The following TBC1D20 variants were observed in gnomAD, a reference collection of about 807,000 sequenced individuals.
TBC1D20 encodes TBC1 domain family member 20.
Under a neutral mutation model 41.6 loss-of-function variants are expected in TBC1D20, and 12 were observed. The observed-to-expected ratio is 0.29, with a 90% CI of 0.18 to 0.47. The LOEUF is 0.47. Ranked by LOEUF, TBC1D20 falls within the 20% of genes least tolerant of loss-of-function variation. The probability of loss-of-function intolerance (pLI) is 1.00; values close to 1 mark genes in which losing one functional copy is unlikely to be tolerated. For missense variants in TBC1D20, 421 were observed against 517.4 expected, an observed-to-expected ratio of 0.81 and a Z score of 1.81; for synonymous variants, 205 against 204.8, an observed-to-expected ratio of 1.00 and a Z score of -0.01.
At chr20:442,333 C>T (rs946465928) in intron 3 of TBC1D20, among the ~76,000 whole-genome samples, 4 of 152,214 alleles carry the variant, frequency 2.6e-5, no homozygotes, top group African/African-American at 9.7e-5. Context: ...CACAGACGGC[C>T]TCTGCCTCCC....
intron 3 of TBC1D20, among the ~76,000 whole-genome samples, chr20:443,677 C>G (rs529741405): frequency 1.3e-5 from 2 of 152,132 alleles, no homozygotes; most frequent in South Asian, 2.1e-4. Flanking sequence ...AAAATTAAAC[C>G]CTGTGTGAAT....
chr20:444,475 A>G (rs1019904359), intron 3 of TBC1D20, among the ~76,000 whole-genome samples: 1 of 152,206 alleles, frequency 6.6e-6, no homozygotes. Flanking sequence ...AGTTCCCTTC[A>G]CTGTGAAAAT....
chr20:447,006 G>A (rs1568578236), intron 2 of TBC1D20, among the ~76,000 whole-genome samples: 1 of 141,334 alleles, frequency 7.1e-6, no homozygotes. Context: ...CTGGAGGACA[G>A]TGGTGCAATC....
Position 441,853 on chromosome 20 carries a change from G to A in TBC1D20, c.524+4C>T, listed in dbSNP as rs1600330162. ...CGTCGTCTTGTGTTCCTCTCTACTG[G>A]TACCTGAGGTGGTGGGTAGATAATT... On this transcript the variant is annotated splice_donor_region_variant and intron_variant, in intron 4 of 7. Transcript: ENST00000354200. The A allele has an allele frequency of 2.5e-6, 4 of 1,613,210 alleles. No individual in the cohort carries two copies. The highest frequency in any genetic ancestry group is 1.7e-6 in the Non-Finnish European group (2 of 1,179,370).
intron 1 of TBC1D20, among the ~76,000 whole-genome samples, chr20:456,099 T>C (rs2017535346): frequency 6.6e-6 from 1 of 152,070 alleles, no homozygotes; most frequent in South Asian, 2.1e-4. Flanking sequence ...CTGCACAACA[T>C]GGCAAAACCT....
At chr20:460,798 C>T (rs2017617279) in intron 1 of TBC1D20, among the ~76,000 whole-genome samples, 1 of 152,142 alleles carries the variant, frequency 6.6e-6, no homozygotes, top group Non-Finnish European at 1.5e-5. Context: ...AAACAAAAAA[C>T]CTCATCTTTA....
intron 1 of TBC1D20, among the ~76,000 whole-genome samples, chr20:455,834 A>C (rs2017530556): frequency 1.3e-5 from 2 of 152,222 alleles, no homozygotes; most frequent in Admixed American, 1.3e-4. Flanking sequence ...TGGGAGGCTG[A>C]GGCAGGAGAA....
intron 6 of TBC1D20, 151 bp downstream of exon 6, chr20:440,097 T>C (rs1444687424): frequency 1.0e-6 from 1 of 994,884 alleles, no homozygotes; most frequent in East Asian, 2.7e-5. Context: ...ACACCCCCAT[T>C]AATACTGCAC....
In TBC1D20 at chr20:436,413, C is replaced by T. The variant is rs1052445853; in HGVS notation, c.*2173G>A. The T allele has an allele frequency of 1.3e-5, 2 of 152,566 alleles. No individual in the cohort carries two copies. Among genetic ancestry groups the T allele is most frequent in the Admixed American group, 6.5e-5 (1 of 15,272 alleles). 9.5% of individuals were successfully genotyped at this position (152,566 alleles called of 1,614,324 possible). On this transcript the variant is annotated 3_prime_UTR_variant, in exon 8 of 8. Transcript: ENST00000354200. ...TTTCTTCTCAATGACAGGGAGAATC[C>T]TGGTGTCAGCAAAGTTAGAAAACAG... is the stretch of plus-strand genomic sequence containing the variant.
At chr20:462,124 G>A (rs1408645888) in intron 1 of TBC1D20, among the ~76,000 whole-genome samples, 3 of 152,188 alleles carry the variant, frequency 2.0e-5, no homozygotes, top group Non-Finnish European at 4.4e-5. Flanking sequence ...GCTCCCTCGG[G>A]TCAGCTCGGC....
intron 3 of TBC1D20, among the ~76,000 whole-genome samples, chr20:442,736 TC>T (rs2017261464): frequency 1.3e-5 from 2 of 152,148 alleles, no homozygotes; most frequent in Admixed American, 6.5e-5. Flanking sequence ...TGCAACTTAC[TC>T]TTAAATAGTT....
chr20:451,922 T>C (rs2017449101), intron 1 of TBC1D20, among the ~76,000 whole-genome samples: 1 of 152,240 alleles, frequency 6.6e-6, no homozygotes. Flanking sequence ...TTATTTGGAA[T>C]TGAATTCTGT....
intron 2 of TBC1D20, 115 bp downstream of exon 2, chr20:447,774 T>C (rs778803262): frequency 5.2e-5 from 44 of 843,900 alleles, no homozygotes; most frequent in South Asian, 3.0e-4. Context: ...CAAAACACCC[T>C]AGATTTATTC....
chr20:438,672 T>C lies in TBC1D20; in HGVS notation c.1126A>G (p.Thr376Ala). ...RFVKLAVMGL[T>A]VALGAAALAV... ...AGTGCAGCCGCTCCAAGTGCCACTGTCAGCCCCATCACTGCCAATTTCACA... is the reference window on the plus strand; with the variant it reads ...AGTGCAGCCGCTCCAAGTGCCACTGCCAGCCCCATCACTGCCAATTTCACA... Residue 376 changes from threonine to alanine, a missense_variant, in exon 8 of 8, where the codon ACA (threonine) becomes GCA (alanine). Thr to Ala is a moderately conservative substitution (Grantham distance 58). Coordinates refer to ENST00000354200, the MANE Select transcript of TBC1D20 (RefSeq NM_144628.4). The C allele has an allele frequency of 6.2e-7, 1 of 1,614,216 alleles. No homozygotes were observed. Among genetic ancestry groups the C allele is most frequent in the Non-Finnish European group, 8.5e-7 (1 of 1,180,028 alleles).
At chr20:447,529 A>G (rs2122400231) in intron 2 of TBC1D20, among the ~76,000 whole-genome samples, 1 of 152,034 alleles carries the variant, frequency 6.6e-6, no homozygotes. Context: ...ATGGTAGCGC[A>G]TGTCTGTAAT....
intron 2 of TBC1D20, among the ~76,000 whole-genome samples, chr20:446,497 T>G (rs771504906): frequency 1.3e-5 from 2 of 151,960 alleles, no homozygotes; most frequent in Non-Finnish European, 2.9e-5. Flanking sequence ...TGTGCCACCA[T>G]ACTCAGCTAA....
At chr20:453,184 A>AC (rs2017478624) in intron 1 of TBC1D20, among the ~76,000 whole-genome samples, 1 of 122,298 alleles carries the variant, frequency 8.2e-6, no homozygotes, top group Non-Finnish European at 1.7e-5. Context: ...AAAAAAAAAA[A>AC]AAAACAGGCT....
chr20:448,866 C>T (rs143382665), intron 1 of TBC1D20, among the ~76,000 whole-genome samples: 8,180 of 125,560 alleles, frequency 0.065, 320 homozygotes, highest in African/African-American at 0.12. Context: ...TTTTTTGAGA[C>T]GGAGTCTCGG....
rs188223876 is a variant in TBC1D20 at position 447,879 on chromosome 20, C to T, written c.256+10G>A. 4,460 of 1,592,436 alleles carry T rather than the reference C, an allele frequency of 2.8e-3. 4 individuals are homozygous for T. The highest frequency in any genetic ancestry group is 3.3e-3 in the Non-Finnish European group (3,810 of 1,165,744). On this transcript the variant is annotated intron_variant, in intron 2 of 7. Transcript: ENST00000354200. The stretch of plus-strand genomic sequence containing the variant: ...TAAGCTCCCCTCACAGCCTCCCCCA[C>T]TCCCCTTACCTGATATAGGAGGTGG...
Sources: gnomAD v4.1 joint callset for allele counts (sites outside exome capture counted in the v4.1 genomes callset) on GRCh38, gnomAD v4.1.1 for gene constraint, MANE v1.5 for transcripts, NCBI Gene and HGNC (gene_info 2026-07-23, HGNC 2026-07-21) for gene names.